PHACTR3: variants seen among roughly 807,000 people sequenced by gnomAD.
The protein encoded by PHACTR3 is phosphatase and actin regulator 3.
A neutral mutation model predicts 66.8 loss-of-function variants in PHACTR3; 16 were observed. That is an observed-to-expected ratio of 0.24 (90% CI 0.16 to 0.36). The LOEUF (loss-of-function observed/expected upper bound fraction) is 0.36. Ranked by LOEUF, PHACTR3 falls within the 10% of genes least tolerant of loss-of-function variation. The pLI is 1.00. For missense variants in PHACTR3, 647 were observed against 719.9 expected, an observed-to-expected ratio of 0.90 and a Z score of 1.16; for synonymous variants, 323 against 292.1, an observed-to-expected ratio of 1.11 and a Z score of -1.08.
Position 59,604,602 on chromosome 20 carries a change from G to C in PHACTR3, c.-413G>C. ...TCCCTTTTTTCCTGGGGGGGTGGGG[G>C]GTGGGGTGGGGGGAGGGAGCGCCCC... On this transcript the variant is annotated 5_prime_UTR_variant, in exon 1 of 13. Coordinates refer to ENST00000371015, the MANE Select transcript of PHACTR3 (RefSeq NM_080672.5). The C allele has an allele frequency of 4.0e-6, 1 of 248,260 alleles. No individual in the cohort carries two copies. The highest frequency in any genetic ancestry group is 6.2e-6 in the Non-Finnish European group (1 of 160,130). 15.4% of individuals were successfully genotyped at this position (248,260 alleles called of 1,614,324 possible). A position where few individuals can be genotyped will look rare whatever the true frequency, so the allele number is the denominator to read the frequency against.
At chr20:59,780,630 G>C (rs6092825) in intron 7 of PHACTR3, among the ~76,000 whole-genome samples, 33,787 of 152,004 alleles carry the variant, frequency 0.22, 3,893 homozygotes, top group East Asian at 0.26. Flanking sequence ...TAGGAATTTT[G>C]GGGGACACAA....
At chr20:59,578,009 T>C (rs1349924497) in intron 1 of PHACTR3, among the ~76,000 whole-genome samples, 1 of 152,214 alleles carries the variant, frequency 6.6e-6, no homozygotes, top group African/African-American at 2.4e-5. Flanking sequence ...GGGCAGCAGT[T>C]GGGATCGTAT....
At chr20:59,657,799 A>AATTTGGGTGCAGGT (rs2035670324) in intron 1 of PHACTR3, among the ~76,000 whole-genome samples, 1 of 152,068 alleles carries the variant, frequency 6.6e-6, no homozygotes, top group Non-Finnish European at 1.5e-5. Context: ...TTGCATTTAT[A>AATTTGGGTGCAGGT]CTATTTAGAA....
chr20:59,686,940 GATGGTGGTGATT>G (rs2036913125), intron 1 of PHACTR3, among the ~76,000 whole-genome samples: 1 of 150,914 alleles, frequency 6.6e-6, no homozygotes. Context: ...TGGTGGTGAT[GATGGTGGTGATT>G]GTGATGATGA....
At position 59,660,351 on chromosome 20, in the gene PHACTR3, G is replaced by A. The variant is rs536641883; in HGVS notation, c.118+55219G>A. Among the ~76,000 whole-genome samples the A allele has an allele frequency of 8.5e-5, 13 of 152,304 alleles. No individual in the cohort carries two copies. In the South Asian group the frequency reaches 1.4e-3, roughly 17 times the overall value. ...CTACTAAAAATACAAAAAATTAGCCGGGCATGGTGGCGGATGCCTGTAGTC... is the reference window on the plus strand; with the variant it reads ...CTACTAAAAATACAAAAAATTAGCCAGGCATGGTGGCGGATGCCTGTAGTC... On this transcript the variant is annotated intron_variant, in intron 1 of 12. Coordinates refer to ENST00000371015, the MANE Select transcript of PHACTR3 (RefSeq NM_080672.5).
intron 8 of PHACTR3, among the ~76,000 whole-genome samples, chr20:59,812,295 A>G (rs989019100): frequency 4.6e-5 from 7 of 152,214 alleles, no homozygotes; most frequent in Non-Finnish European, 1.0e-4. Context: ...GCTCAGTAGC[A>G]TCTTTCAGGA....
chr20:59,603,158 A>C (rs1186746058), upstream of PHACTR3, among the ~76,000 whole-genome samples: 1 of 152,144 alleles, frequency 6.6e-6, no homozygotes, highest in Non-Finnish European at 1.5e-5. Context: ...TTGTTTCCTG[A>C]TCTTAATTGC....
chr20:59,589,965 A>G (rs1160408416), intron 1 of PHACTR3, among the ~76,000 whole-genome samples: 1 of 152,218 alleles, frequency 6.6e-6, no homozygotes, highest in South Asian at 2.1e-4. Context: ...GCCGTCGTGG[A>G]GTCTAGGCTC....
chr20:59,699,134 A>C (rs892098667), intron 1 of PHACTR3, among the ~76,000 whole-genome samples: 1 of 152,190 alleles, frequency 6.6e-6, no homozygotes, highest in African/African-American at 2.4e-5. Flanking sequence ...TCTAAAACCA[A>C]GTCAGAAAAG....
chr20:59,699,659 T>C (rs1332606602), intron 1 of PHACTR3, among the ~76,000 whole-genome samples: 1 of 152,108 alleles, frequency 6.6e-6, no homozygotes, highest in Non-Finnish European at 1.5e-5. Context: ...ATCATCACCT[T>C]TATTGGATAG....
intron 7 of PHACTR3, among the ~76,000 whole-genome samples, chr20:59,775,384 C>T (rs1009804045): frequency 1.3e-5 from 2 of 152,072 alleles, no homozygotes; most frequent in Non-Finnish European, 2.9e-5. Context: ...GCCACGTCTC[C>T]CTGGGTGTCT....
intron 1 of PHACTR3, among the ~76,000 whole-genome samples, chr20:59,733,421 T>C (rs2038839030): frequency 6.6e-6 from 1 of 152,192 alleles, no homozygotes; most frequent in Admixed American, 6.5e-5. Context: ...TCAAGCCACA[T>C]CTCTTGCAGC....
chr20:59,620,468 G>T (rs867314265), intron 1 of PHACTR3, among the ~76,000 whole-genome samples: 2 of 152,236 alleles, frequency 1.3e-5, no homozygotes, highest in Non-Finnish European at 2.9e-5. Flanking sequence ...ATGTGGAACA[G>T]TTCCTTAGTG....
chr20:59,774,774 A>T (rs1435414712), intron 7 of PHACTR3, among the ~76,000 whole-genome samples: 2 of 152,120 alleles, frequency 1.3e-5, no homozygotes, highest in Non-Finnish European at 2.9e-5. Context: ...AAAAAACAAC[A>T]TAAAAGTGGT....
chr20:59,801,150 C>G (rs1292613363), intron 7 of PHACTR3, among the ~76,000 whole-genome samples: 1 of 152,192 alleles, frequency 6.6e-6, no homozygotes, highest in Non-Finnish European at 1.5e-5. Context: ...CACGCTAACT[C>G]TGGCTGCCCT....
At chr20:59,620,039 C>T (rs951285638) in intron 1 of PHACTR3, among the ~76,000 whole-genome samples, 4 of 152,126 alleles carry the variant, frequency 2.6e-5, no homozygotes, top group African/African-American at 4.8e-5. Flanking sequence ...GGTGCCCCTC[C>T]GAGGCCCTCC....
At chr20:59,753,804 T>A (rs1215901530) in intron 3 of PHACTR3, among the ~76,000 whole-genome samples, 2 of 152,174 alleles carry the variant, frequency 1.3e-5, no homozygotes, top group African/African-American at 4.8e-5. Flanking sequence ...ATACTGTTTG[T>A]CCAAACAGGA....
intron 8 of PHACTR3, among the ~76,000 whole-genome samples, chr20:59,826,503 C>T (rs2042195609): frequency 6.6e-6 from 1 of 151,424 alleles, no homozygotes; most frequent in Non-Finnish European, 1.5e-5. Flanking sequence ...AGCCTTACAC[C>T]TGGCATTACA....
intron 9 of PHACTR3, among the ~76,000 whole-genome samples, chr20:59,839,424 T>C (rs983677222): frequency 2.6e-5 from 4 of 152,198 alleles, no homozygotes; most frequent in Admixed American, 6.5e-5. Context: ...AGGCAGATAA[T>C]GTGAAATTGT....
Sources: gnomAD v4.1 joint callset for allele counts (sites outside exome capture counted in the v4.1 genomes callset) on GRCh38, gnomAD v4.1.1 for gene constraint, MANE v1.5 for transcripts, NCBI Gene and HGNC (gene_info 2026-07-23, HGNC 2026-07-21) for gene names.